The following FLT3 variants were observed in gnomAD, a reference collection of about 807,000 sequenced individuals.
The protein encoded by FLT3 is receptor-type tyrosine-protein kinase FLT3.
Under a neutral mutation model 126.6 loss-of-function variants are expected in FLT3, and 46 were observed. The ratio of observed to expected loss-of-function variants is 0.36; its 90% CI spans 0.29 to 0.46. FLT3 has a LOEUF of 0.46. Among genes scored for constraint, FLT3 ranks in the 20% least tolerant of loss-of-function variants. The probability of loss-of-function intolerance (pLI) is 1.00; values close to 1 mark genes in which losing one functional copy is unlikely to be tolerated. For missense variants in FLT3, 1,069 were observed against 1,190.3 expected, an observed-to-expected ratio of 0.90 and a Z score of 1.50; for synonymous variants, 404 against 434.4, an observed-to-expected ratio of 0.93 and a Z score of 0.87.
intron 15 of FLT3, among the ~76,000 whole-genome samples, chr13:28,029,933 C>A (rs1244155216): frequency 6.6e-6 from 1 of 152,168 alleles, no homozygotes; most frequent in Admixed American, 6.5e-5. Context: ...CCCGTCATTG[C>A]GGCTCATGTG....
At chr13:28,016,614 T>C (rs1164680655) in intron 20 of FLT3, among the ~76,000 whole-genome samples, 1 of 152,208 alleles carries the variant, frequency 6.6e-6, no homozygotes. Flanking sequence ...TCACAGCACA[T>C]GTTTAATCAG....
intron 12 of FLT3, 144 bp from the exon 13 acceptor site, chr13:28,034,551 C>T: frequency 3.1e-6 from 2 of 638,042 alleles, no homozygotes; most frequent in Non-Finnish European, 5.6e-6. Context: ...ATACTCTACT[C>T]CCCACAGACA....
chr13:28,055,293 T>A (rs192597916), intron 4 of FLT3, among the ~76,000 whole-genome samples: 3 of 152,356 alleles, frequency 2.0e-5, no homozygotes, highest in Admixed American at 1.3e-4. Flanking sequence ...ATCAATCTTA[T>A]CGTCTCCTCA....
intron 5 of FLT3, among the ~76,000 whole-genome samples, chr13:28,051,842 A>ATACT (rs1875512890): frequency 6.6e-6 from 1 of 150,410 alleles, no homozygotes; most frequent in African/African-American, 2.5e-5. Context: ...CACTGTGCCC[A>ATACT]GCCTAGAATT....
chr13:28,048,357 C>A lies in FLT3; in HGVS notation c.1123G>T (p.Ala375Ser), dbSNP rs1875091241. The A allele has an allele frequency of 6.2e-7, 1 of 1,613,466 alleles. No individual in the cohort carries two copies. The highest frequency in any genetic ancestry group is 8.5e-7 in the Non-Finnish European group (1 of 1,179,426). Residue 375 changes from alanine to serine, a missense_variant, in exon 9 of 24, where the codon GCC becomes TCC. By Grantham distance (99) the Ala-to-Ser change is moderately conservative (BLOSUM62 1). Coordinates refer to ENST00000241453, the MANE Select transcript of FLT3 (RefSeq NM_004119.3). ...CACGTACATCTGATTTGTGGGTAGG[C>A]TTTAAACCTGACAGAAAAACAAAAC... ...EEFCFSVRFK[A>S]YPQIRCTWTF...
At chr13:28,068,625 G>A (rs1877240088) in intron 2 of FLT3, among the ~76,000 whole-genome samples, 1 of 152,202 alleles carries the variant, frequency 6.6e-6, no homozygotes, top group African/African-American at 2.4e-5. Flanking sequence ...GAGGGCAGTG[G>A]CACAATCTTG....
At chr13:28,010,221 T>C (rs1871242660) in intron 23 of FLT3, among the ~76,000 whole-genome samples, 1 of 152,196 alleles carries the variant, frequency 6.6e-6, no homozygotes. Flanking sequence ...CCAACTTGCT[T>C]TCATGCTGAC....
Position 28,015,237 on chromosome 13 carries a change from G to A in FLT3, c.2673C>T (p.Gly891=). The A allele has an allele frequency of 6.2e-7, 1 of 1,609,516 alleles. No individual in the cohort carries two copies. Among genetic ancestry groups the A allele is most frequent in the Non-Finnish European group, 8.5e-7 (1 of 1,175,992 alleles). Residue 891 remains glycine (G), a synonymous_variant, in exon 22 of 24, where the codon GGC becomes GGT. Transcript: ENST00000241453. ...IFSLGVNPYP[G]IPVDANFYKL... ...TGTAGAAGTTAGCATCAACCGGAAT[G>A]CCAGGGTAAGGATTCACACCTGAGG...
chr13:28,068,524 T>G (rs1593284518), intron 2 of FLT3, among the ~76,000 whole-genome samples: 1 of 150,314 alleles, frequency 6.7e-6, no homozygotes. Flanking sequence ...AAATCTATGA[T>G]ATATATCATA....
At chr13:28,012,850 T>C (rs566085082) in intron 23 of FLT3, among the ~76,000 whole-genome samples, 1 of 152,012 alleles carries the variant, frequency 6.6e-6, no homozygotes, top group Non-Finnish European at 1.5e-5. Context: ...GGTGGGAGGA[T>C]TGCTTGAGCT....
At chr13:28,087,300 C>T (rs1878737709) in intron 1 of FLT3, among the ~76,000 whole-genome samples, 1 of 151,968 alleles carries the variant, frequency 6.6e-6, no homozygotes, top group African/African-American at 2.4e-5. Context: ...GAACTCCTTG[C>T]TTCAAGCAAT....
intron 23 of FLT3, among the ~76,000 whole-genome samples, chr13:28,007,918 T>G (rs901844334): frequency 2.6e-5 from 4 of 152,236 alleles, no homozygotes; most frequent in African/African-American, 7.2e-5. Flanking sequence ...TTGCTGTTGC[T>G]ACTTCCTCTG....
chr13:28,003,727 A>G lies in FLT3; in HGVS notation c.*325T>C. 3.5e-6 allele frequency: 1 copy of G among 288,026 alleles called. No individual in the cohort carries two copies. Among genetic ancestry groups the G allele is most frequent in the East Asian group, 4.9e-5 (1 of 20,444 alleles). 17.8% of individuals were successfully genotyped at this position (288,026 alleles called of 1,614,324 possible). On this transcript the variant is annotated 3_prime_UTR_variant, in exon 24 of 24. Transcript: ENST00000241453. The stretch of plus-strand genomic sequence containing the variant: ...AAATCATATTAGCTTCTCCTTAGCA[A>G]AATGCTTTTGTTTTATGTATTTACA...
chr13:28,046,756 C>T, intron 9 of FLT3, among the ~76,000 whole-genome samples: 1 of 151,976 alleles, frequency 6.6e-6, no homozygotes, highest in Non-Finnish European at 1.5e-5. Flanking sequence ...CCACCACACT[C>T]AACTCATTTT....
intron 23 of FLT3, among the ~76,000 whole-genome samples, chr13:28,010,052 C>T (rs1871229194): frequency 6.6e-6 from 1 of 152,154 alleles, no homozygotes; most frequent in East Asian, 1.9e-4. Context: ...CCCCTCTCAA[C>T]TGATGTCCTG....
intron 1 of FLT3, among the ~76,000 whole-genome samples, chr13:28,076,082 C>A (rs1339152269): frequency 6.6e-6 from 1 of 152,096 alleles, no homozygotes; most frequent in African/African-American, 2.4e-5. Flanking sequence ...TAGGCGTGAG[C>A]CACTGCACAT....
chr13:28,098,314 C>CAAAAAAAAAAAAA lies in FLT3; in HGVS notation c.43+2141_43+2153dup, dbSNP rs55675449. 9.1e-4 allele frequency among the ~76,000 whole-genome samples: 78 copies of CAAAAAAAAAAAAA among 85,272 alleles called. 2 individuals are homozygous for CAAAAAAAAAAAAA. The highest frequency in any genetic ancestry group is 2.7e-3 in the African/African-American group (70 of 25,576). The allele number at this position is 85,272 out of a possible 152,430, so 55.9% of individuals were successfully genotyped here. ...TGGGTGACAGAGCAAGACTCCGTCT[C>CAAAAAAAAAAAAA]AAAAAAAAAAAAAAAAAAAAAAGTA... is the stretch of plus-strand genomic sequence containing the variant. On this transcript the variant is annotated intron_variant, in intron 1 of 23. Coordinates refer to ENST00000241453, the MANE Select transcript of FLT3 (RefSeq NM_004119.3).
chr13:28,012,433 A>G lies in FLT3; in HGVS notation c.2859+2019T>C, dbSNP rs142595850. Among the ~76,000 whole-genome samples the G allele has an allele frequency of 8.9e-4, 133 of 149,686 alleles. 1 individual carries two copies. Among genetic ancestry groups the G allele is most frequent in the African/African-American group, 3.2e-3 (130 of 40,578 alleles). ...GCTTTGCACTTTTTTTTCCCTCTCT[A>G]CTCCCCCATTCTCCCTGTATATTAG... On this transcript the variant is annotated intron_variant, in intron 23 of 23. Transcript: ENST00000241453.
At chr13:28,086,566 T>G (rs1315351828) in intron 1 of FLT3, among the ~76,000 whole-genome samples, 1 of 152,160 alleles carries the variant, frequency 6.6e-6, no homozygotes, top group East Asian at 1.9e-4. Context: ...TGTATTCCTT[T>G]GTGTAAATCC....
Sources: allele counts gnomAD v4.1 joint callset (sites outside exome capture counted in the v4.1 genomes callset), GRCh38; gene constraint gnomAD v4.1.1; transcripts MANE v1.5; gene names NCBI Gene and HGNC (gene_info 2026-07-23, HGNC 2026-07-21).